The following INSL6 variants were observed in gnomAD, a reference collection of about 807,000 sequenced individuals.
INSL6 encodes the protein insulin-like peptide INSL6.
INSL6 carries 16 observed loss-of-function variants against 9.4 expected under a neutral mutation model. The ratio of observed to expected loss-of-function variants is 1.70; its 90% confidence interval spans 1.15 to 2.59. INSL6 has a LOEUF of 2.59. INSL6 is among the 30% of genes most tolerant of loss of function. The pLI, the probability that INSL6 is intolerant of heterozygous loss-of-function variation, is 0.00. For synonymous variants in INSL6, 154 were observed against 96.9 expected (o/e 1.59, Z -3.46); for missense variants, 391 against 257.3 (o/e 1.52, Z -3.56).
At chr9:5,037,561 C>T in the INSL6 span, among the ~76,000 whole-genome samples, 3 of 152,124 alleles carry the variant, frequency 2.0e-5, no homozygotes, top group African/African-American at 7.2e-5. Context: ...TTTGTAGGGA[C>T]ATGGATGAAG....
the INSL6 span, among the ~76,000 whole-genome samples, chr9:5,117,763 C>G: frequency 6.6e-6 from 1 of 151,680 alleles, no homozygotes; most frequent in Non-Finnish European, 1.5e-5. Context: ...TTTTTGGCAA[C>G]CTCAGTAATT....
intron 3 of INSL6, chr9:5,126,728 A>G (rs552798129): frequency 6.2e-6 from 10 of 1,611,314 alleles, no homozygotes; most frequent in African/African-American, 2.7e-5. Context: ...ATGTAAATCA[A>G]CGCCCCTCCT....
At chr9:5,130,573 A>G (rs995416688) in intron 3 of INSL6, among the ~76,000 whole-genome samples, 17 of 152,212 alleles carry the variant, frequency 1.1e-4, no homozygotes, top group African/African-American at 3.4e-4. Flanking sequence ...ACAGTTGTAT[A>G]CATAGATGAA....
the INSL6 span, among the ~76,000 whole-genome samples, chr9:5,058,887 T>G: frequency 6.6e-6 from 1 of 152,198 alleles, no homozygotes; most frequent in African/African-American, 2.4e-5. Flanking sequence ...AATCAGGTTT[T>G]TTTTGCTGAA....
the INSL6 span, among the ~76,000 whole-genome samples, chr9:5,053,666 A>G: frequency 2.6e-5 from 4 of 152,076 alleles, no homozygotes; most frequent in African/African-American, 9.7e-5. Flanking sequence ...GGCTATGTAC[A>G]TGCTTTCAAA....
the INSL6 span, among the ~76,000 whole-genome samples, chr9:5,102,833 C>G: frequency 1.3e-5 from 2 of 152,088 alleles, no homozygotes; most frequent in African/African-American, 4.8e-5. Context: ...CCTTTACAGA[C>G]AAGCAAATGC....
the INSL6 span, among the ~76,000 whole-genome samples, chr9:5,056,999 ATAT>A: frequency 6.6e-6 from 1 of 152,352 alleles, no homozygotes; most frequent in East Asian, 1.9e-4. Flanking sequence ...CTCCTTAAAA[ATAT>A]TATACTGACA....
chr9:5,157,201 A>G (rs1824833210), intron 2 of INSL6, among the ~76,000 whole-genome samples: 1 of 152,164 alleles, frequency 6.6e-6, no homozygotes, highest in African/African-American at 2.4e-5. Context: ...ATTCAATGCC[A>G]TCCTTATCAA....
chr9:5,019,553 CT>C, the INSL6 span, among the ~76,000 whole-genome samples: 1 of 152,116 alleles, frequency 6.6e-6, no homozygotes, highest in East Asian at 1.9e-4. Flanking sequence ...GCATTGGAAT[CT>C]TTTGGTAGAA....
At chr9:5,037,678 A>G in the INSL6 span, among the ~76,000 whole-genome samples, 4 of 152,154 alleles carry the variant, frequency 2.6e-5, no homozygotes, top group Admixed American at 1.3e-4. Context: ...GGACACAGGA[A>G]TGGAACATCA....
chr9:5,004,200 C>T, the INSL6 span, among the ~76,000 whole-genome samples: 3 of 152,226 alleles, frequency 2.0e-5, no homozygotes, highest in African/African-American at 4.8e-5. Context: ...TATTGGTAAT[C>T]ACCATGATGT....
At chr9:5,158,701 A>G (rs1824865241) in intron 2 of INSL6, among the ~76,000 whole-genome samples, 1 of 152,180 alleles carries the variant, frequency 6.6e-6, no homozygotes, top group South Asian at 2.1e-4. Context: ...GAAAAAAAGA[A>G]AAAATGCTGA....
At chr9:5,067,786 A>C in the INSL6 span, among the ~76,000 whole-genome samples, 773 of 152,294 alleles carry the variant, frequency 5.1e-3, 4 homozygotes, top group Non-Finnish European at 7.7e-3. Context: ...TCAAATATAC[A>C]AAAAATTCTA....
the INSL6 span, among the ~76,000 whole-genome samples, chr9:5,060,054 G>T: frequency 6.6e-6 from 1 of 152,070 alleles, no homozygotes; most frequent in African/African-American, 2.4e-5. Flanking sequence ...AAATTTTTTG[G>T]TTTCTCAGTA....
At chr9:5,129,474 CATGAAAGTTTCTCTAATATTTCTA>C (rs1273081783) in intron 3 of INSL6, among the ~76,000 whole-genome samples, 1 of 152,040 alleles carries the variant, frequency 6.6e-6, no homozygotes, top group African/African-American at 2.4e-5. Context: ...AATTATTTCT[CATGAAAGTTTCTCTAATATTTCTA>C]ATGAAAGTTT....
Position 5,167,368 on chromosome 9 carries a change from C to G in INSL6, c.290-3103G>C, listed in dbSNP as rs763801891. On this transcript the variant is annotated intron_variant, in intron 1 of 1. Coordinates refer to ENST00000381641, the MANE Select transcript of INSL6 (RefSeq NM_007179.3). The stretch of plus-strand genomic sequence containing the variant: ...GTGGCACTTGAGCAGGCACTGAGAC[C>G]ACGAGTTCCTGGGGGGAAGAGGCAG... Among the ~76,000 whole-genome samples, 13 of 152,336 alleles carry G rather than the reference C, an allele frequency of 8.5e-5. No individual in the cohort carries two copies. In the South Asian group the frequency reaches 2.3e-3, roughly 27 times the overall value.
chr9:5,018,043 C>G, the INSL6 span, among the ~76,000 whole-genome samples: 3 of 152,070 alleles, frequency 2.0e-5, no homozygotes, highest in East Asian at 5.8e-4. Flanking sequence ...GTTTTTTAGT[C>G]CATTTAGCCA....
the INSL6 span, among the ~76,000 whole-genome samples, chr9:5,010,245 C>T: frequency 6.6e-6 from 1 of 152,088 alleles, no homozygotes; most frequent in South Asian, 2.1e-4. Context: ...CTTTTAGCTA[C>T]TGTTGTTACC....
chr9:5,116,056 A>T, the INSL6 span, among the ~76,000 whole-genome samples: 1 of 152,108 alleles, frequency 6.6e-6, no homozygotes, highest in Non-Finnish European at 1.5e-5. Flanking sequence ...TTAAAGTATA[A>T]TAAAATTTAA....
Sources: allele counts gnomAD v4.1 joint callset (sites outside exome capture counted in the v4.1 genomes callset), GRCh38; gene constraint gnomAD v4.1.1; transcripts MANE v1.5; gene names NCBI Gene and HGNC (gene_info 2026-07-23, HGNC 2026-07-21).